The following MAST4 variants were observed in gnomAD, a reference collection of about 807,000 sequenced individuals.
MAST4 encodes the protein microtubule associated serine/threonine kinase family member 4.
Under a neutral mutation model 162.7 loss-of-function variants are expected in MAST4, and 89 were observed. That is an observed-to-expected ratio of 0.55 (90% confidence interval 0.46 to 0.65). The LOEUF is 0.65. Among genes scored for constraint, MAST4 ranks in the 30% least tolerant of loss-of-function variants. The pLI, the probability that MAST4 is intolerant of heterozygous loss-of-function variation, is 0.00. For missense variants in MAST4, 3,153 were observed against 3,374.0 expected (o/e 0.93, Z 1.62); for synonymous variants, 1,479 against 1,361.1 (o/e 1.09, Z -1.91).
chr5:66,963,104 G>T lies in MAST4; in HGVS notation c.674+63122G>T, dbSNP rs140249846. The stretch of plus-strand genomic sequence containing the variant: ...GATTATAATGGTTCATTGACAGTTG[G>T]ATTTGAGAAGACCTCTCTGGAAGAT... On this transcript the variant is annotated intron_variant, in intron 4 of 28. Coordinates refer to ENST00000403625, the MANE Select transcript of MAST4 (RefSeq NM_001164664.2). 2.7e-3 allele frequency among the ~76,000 whole-genome samples: 411 copies of T among 152,238 alleles called. 3 individuals are homozygous for T. The highest frequency in any genetic ancestry group is 9.6e-3 in the African/African-American group (397 of 41,548).
intron 20 of MAST4, 47 bp downstream of exon 20, chr5:67,142,284 A>G: frequency 6.3e-7 from 1 of 1,599,828 alleles, no homozygotes; most frequent in African/African-American, 1.3e-5. Flanking sequence ...TTTACTCGAT[A>G]AATAATTATC....
chr5:66,888,044 TA>T (rs1275388389), intron 3 of MAST4, among the ~76,000 whole-genome samples: 47 of 145,020 alleles, frequency 3.2e-4, no homozygotes, highest in Admixed American at 4.1e-4. Context: ...CCGTCTCTAC[TA>T]AAAAAAAAAA....
At position 66,997,399 on chromosome 5, in the gene MAST4, T is replaced by C. The variant is rs1750773893; in HGVS notation, c.675-57005T>C. 2.0e-5 allele frequency among the ~76,000 whole-genome samples: 3 copies of C among 151,820 alleles called. 1 individual carries two copies. Among genetic ancestry groups the C allele is most frequent in the East Asian group, 1.9e-4 (1 of 5,200 alleles). On this transcript the variant is annotated intron_variant, in intron 4 of 28. Transcript: ENST00000403625. Reference sequence around the variant, plus strand: ...AATCTTTACCAGTGAAACAGGTAAATTGATACCTAATTAATGTGTTTTTTT... The same window carrying C: ...AATCTTTACCAGTGAAACAGGTAAACTGATACCTAATTAATGTGTTTTTTT...
intron 5 of MAST4, among the ~76,000 whole-genome samples, chr5:67,084,432 T>C (rs1446984698): frequency 2.0e-5 from 3 of 152,214 alleles, no homozygotes; most frequent in Non-Finnish European, 4.4e-5. Context: ...TGTTTAGCTC[T>C]TTACATTGTG....
chr5:66,673,228 A>G (rs1365058739), intron 1 of MAST4, among the ~76,000 whole-genome samples: 2 of 152,032 alleles, frequency 1.3e-5, no homozygotes, highest in African/African-American at 4.8e-5. Context: ...ATCTGCTTAC[A>G]CTTTCTCAGC....
intron 2 of MAST4, among the ~76,000 whole-genome samples, chr5:66,769,712 C>T (rs1233172627): frequency 6.6e-6 from 1 of 152,158 alleles, no homozygotes; most frequent in East Asian, 1.9e-4. Context: ...ACAGGACCGC[C>T]CTCCTATGTG....
chr5:67,144,018 A>G (rs1438249721), intron 21 of MAST4, among the ~76,000 whole-genome samples: 1 of 151,702 alleles, frequency 6.6e-6, no homozygotes, highest in African/African-American at 2.4e-5. Context: ...TTATGAGACA[A>G]CAGAGATTCA....
chr5:66,677,790 CA>C (rs1193650427), intron 1 of MAST4, among the ~76,000 whole-genome samples: 8 of 152,000 alleles, frequency 5.3e-5, no homozygotes, highest in African/African-American at 1.9e-4. Context: ...ATAGCATCTG[CA>C]GAGGTTTGGA....
chr5:67,080,705 C>T (rs181673035), intron 5 of MAST4, among the ~76,000 whole-genome samples: 8 of 151,590 alleles, frequency 5.3e-5, no homozygotes, highest in East Asian at 3.9e-4. Context: ...ATCTAGATCC[C>T]GTGCCTTGAT....
At chr5:66,600,672 T>G (rs1742495515) in intron 1 of MAST4, among the ~76,000 whole-genome samples, 1 of 152,210 alleles carries the variant, frequency 6.6e-6, no homozygotes, top group African/African-American at 2.4e-5. Flanking sequence ...TATGCAAACC[T>G]CTAGATCTCT....
At chr5:66,873,394 C>T (rs540546596) in intron 3 of MAST4, among the ~76,000 whole-genome samples, 66 of 152,294 alleles carry the variant, frequency 4.3e-4, no homozygotes, top group Middle Eastern at 3.4e-3. Flanking sequence ...TCATTTTCAA[C>T]TCAATAACCT....
intron 3 of MAST4, among the ~76,000 whole-genome samples, chr5:66,890,512 C>T (rs141445185): frequency 6.6e-6 from 1 of 152,158 alleles, no homozygotes; most frequent in Admixed American, 6.6e-5. Flanking sequence ...TGACTTGTTA[C>T]GCTTCTTCTG....
chr5:67,163,393 G>A lies in MAST4; in HGVS notation c.4214G>A (p.Gly1405Asp). 6.2e-7 allele frequency: 1 copy of A among 1,612,422 alleles called. No individual in the cohort carries two copies. Among genetic ancestry groups the A allele is most frequent in the Non-Finnish European group, 8.5e-7 (1 of 1,179,860 alleles). ...SPSPLLGHSLGNSKIAQAFPS... is the reference protein window; with the variant it reads ...SPSPLLGHSLDNSKIAQAFPS... ...TCCCCTCTTCTGGGACACTCACTGG[G>A]CAATTCCAAGATCGCGCAAGCCTTT... Residue 1405 changes from glycine (G) to aspartate (D), a missense_variant, in exon 29 of 29, where the codon GGC (glycine) becomes GAC (aspartate). Transcript: ENST00000403625. The surrounding 1 kb of genome is among the most constrained non-coding windows in gnomAD (Gnocchi z 7.0).
chr5:66,934,434 A>T (rs1431455278), intron 4 of MAST4, among the ~76,000 whole-genome samples: 3 of 152,268 alleles, frequency 2.0e-5, no homozygotes, highest in African/African-American at 4.8e-5. Context: ...CAGCTTGATT[A>T]TTAGCACATA....
chr5:66,960,486 A>G (rs1452571864), intron 4 of MAST4, among the ~76,000 whole-genome samples: 2 of 142,964 alleles, frequency 1.4e-5, no homozygotes, highest in Non-Finnish European at 3.0e-5. Context: ...CTCCACCCCC[A>G]CCCTAACATT....
At chr5:66,952,743 G>T (rs561735081) in intron 4 of MAST4, among the ~76,000 whole-genome samples, 1 of 152,088 alleles carries the variant, frequency 6.6e-6, no homozygotes, top group Non-Finnish European at 1.5e-5. Context: ...CTTTACAATC[G>T]CTGCTCCCTT....
chr5:66,788,772 C>T lies in MAST4; in HGVS notation c.620C>T (p.Ala207Val), dbSNP rs1755241627. The change falls in exon 3 of 29, where the codon GCG (alanine) becomes GTG (valine). Residue 207 changes from alanine (A) to valine (V), a missense_variant. By Grantham distance (64) the Ala-to-Val change is moderately conservative (BLOSUM62 0). Coordinates refer to ENST00000403625, the MANE Select transcript of MAST4 (RefSeq NM_001164664.2). Reference protein sequence around the residue: ...RMRSQALGQSAPSLTASLKEL... With the variant: ...RMRSQALGQSVPSLTASLKEL... ...CGCAGCCAGGCCCTGGGCCAGTCGG[C>T]GCCCTCGCTCACCGCCAGCCTGGTG... 1 of 1,597,074 alleles carries T rather than the reference C, an allele frequency of 6.3e-7. No homozygotes were observed. Among genetic ancestry groups the T allele is most frequent in the South Asian group, 1.1e-5 (1 of 89,244 alleles).
intron 3 of MAST4, among the ~76,000 whole-genome samples, chr5:66,840,103 A>G (rs536734855): frequency 6.6e-6 from 1 of 152,272 alleles, no homozygotes; most frequent in South Asian, 2.1e-4. Flanking sequence ...AAGTGGTAGG[A>G]AGTCAGACGT....
chr5:66,906,932 A>G (rs1763390880), intron 4 of MAST4, among the ~76,000 whole-genome samples: 1 of 152,196 alleles, frequency 6.6e-6, no homozygotes, highest in Non-Finnish European at 1.5e-5. Flanking sequence ...AGTTAGGACT[A>G]CAAAGCAGGG....
Sources: gnomAD v4.1 joint callset for allele counts (sites outside exome capture counted in the v4.1 genomes callset) on GRCh38, gnomAD v4.1.1 for gene constraint, Gnocchi (gnomAD v3.1) non-coding constraint, MANE v1.5 for transcripts, NCBI Gene and HGNC (gene_info 2026-07-23, HGNC 2026-07-21) for gene names.